Variants in GALNTL6 observed in about 807,000 individuals in gnomAD.
GALNTL6 encodes the protein polypeptide N-acetylgalactosaminyltransferase like 6, also known as polypeptide N-acetylgalactosaminyltransferase-like 6.
A neutral mutation model predicts 73.7 loss-of-function variants in GALNTL6; 46 were observed. That is an observed-to-expected ratio of 0.62 (90% CI 0.49 to 0.80). GALNTL6 has a LOEUF of 0.80. Among genes scored for constraint, GALNTL6 ranks in the 30% least tolerant of loss-of-function variants. The pLI, the probability that GALNTL6 is intolerant of heterozygous loss-of-function variation, is 0.00. For missense variants in GALNTL6, 604 were observed against 755.0 expected (o/e 0.80, Z 2.34); for synonymous variants, 259 against 263.7 (o/e 0.98, Z 0.17).
intron 5 of GALNTL6, among the ~76,000 whole-genome samples, chr4:172,663,940 A>AG (rs1560865379): frequency 2.0e-5 from 3 of 147,102 alleles, no homozygotes; most frequent in Admixed American, 6.8e-5. Context: ...AAAAAAAAAA[A>AG]AAAGAAAGAA....
chr4:171,976,531 T>C (rs1193557736), intron 2 of GALNTL6, among the ~76,000 whole-genome samples: 1 of 152,236 alleles, frequency 6.6e-6, no homozygotes, highest in East Asian at 1.9e-4. Context: ...ATCCACTGAA[T>C]ACTTCTAATG....
intron 8 of GALNTL6, among the ~76,000 whole-genome samples, chr4:172,908,837 G>T (rs546442201): frequency 6.6e-6 from 1 of 151,560 alleles, no homozygotes; most frequent in Non-Finnish European, 1.5e-5. Context: ...AATTTATAAA[G>T]AAGATTCTCC....
intron 2 of GALNTL6, among the ~76,000 whole-genome samples, chr4:172,196,474 C>T (rs1432023245): frequency 6.6e-6 from 1 of 152,148 alleles, no homozygotes; most frequent in East Asian, 1.9e-4. Flanking sequence ...GCTACCAAAA[C>T]CTGGCAGAGA....
At chr4:172,656,253 C>T (rs1731006381) in intron 5 of GALNTL6, among the ~76,000 whole-genome samples, 1 of 152,118 alleles carries the variant, frequency 6.6e-6, no homozygotes, top group African/African-American at 2.4e-5. Flanking sequence ...AGTGTCTGCT[C>T]CTTAATTCAG....
rs566051473 is a variant in GALNTL6, at chr4:172,598,412, T to G, written c.554-210949T>G. The stretch of plus-strand genomic sequence containing the variant: ...CAAAATATAATGAGGACCTTCGAGA[T>G]AACTGCCATTAGAAACATGTCATGA... On this transcript the variant is annotated intron_variant, in intron 5 of 12. Transcript: ENST00000506823. 1.4e-4 allele frequency among the ~76,000 whole-genome samples: 22 copies of G among 152,274 alleles called. No individual in the cohort carries two copies. The East Asian group carries it at 4.2e-3, about 29-fold the overall frequency.
In GALNTL6 at chr4:171,941,969, T is replaced by C. The variant is rs560110028; in HGVS notation, c.138+127251T>C. On this transcript the variant is annotated intron_variant, in intron 2 of 12. Coordinates refer to ENST00000506823, the MANE Select transcript of GALNTL6 (RefSeq NM_001034845.3). ...TATCCAGCATATAACACCTGTATCG[T>C]AACCTTTTGTAGCTATTAATAGTTT... is the stretch of plus-strand genomic sequence containing the variant. Among the ~76,000 whole-genome samples the C allele has an allele frequency of 2.0e-5, 3 of 152,326 alleles. No homozygotes were observed. The South Asian group carries it at 6.2e-4, about 32-fold the overall frequency.
rs2126550076 is a variant in GALNTL6, at chr4:173,040,679, T to C, written c.*579T>C. 6.5e-6 allele frequency: 1 copy of C among 152,782 alleles called. No homozygotes were observed. The highest frequency in any genetic ancestry group is 1.9e-4 in the East Asian group (1 of 5,190). The allele number at this position is 152,782 out of a possible 1,614,324, so 9.5% of individuals were successfully genotyped here. Reference sequence around the variant, plus strand: ...TTAAATGAGGGTGCAATATCTAATGTAAGACTTAAATTACATAATGAAATG... The same window carrying C: ...TTAAATGAGGGTGCAATATCTAATGCAAGACTTAAATTACATAATGAAATG... On this transcript the variant is annotated 3_prime_UTR_variant, in exon 13 of 13. Transcript: ENST00000506823.
At chr4:172,308,441 C>T (rs1320111401) in intron 3 of GALNTL6, among the ~76,000 whole-genome samples, 1 of 151,996 alleles carries the variant, frequency 6.6e-6, no homozygotes, top group Non-Finnish European at 1.5e-5. Context: ...CCTCCTGTCC[C>T]ATTCAATATA....
chr4:173,019,742 G>A (rs1288433209), intron 11 of GALNTL6, among the ~76,000 whole-genome samples: 1 of 152,184 alleles, frequency 6.6e-6, no homozygotes, highest in Non-Finnish European at 1.5e-5. Context: ...AGAGTACGCA[G>A]TGGCCATGAT....
chr4:172,117,253 G>C (rs939585322), intron 2 of GALNTL6, among the ~76,000 whole-genome samples: 3 of 152,134 alleles, frequency 2.0e-5, no homozygotes, highest in Non-Finnish European at 4.4e-5. Context: ...GAAAATGACA[G>C]TGAATTAAAC....
intron 2 of GALNTL6, among the ~76,000 whole-genome samples, chr4:172,204,042 G>A (rs1424917016): frequency 6.6e-6 from 1 of 151,980 alleles, no homozygotes; most frequent in Non-Finnish European, 1.5e-5. Flanking sequence ...CACTGCACCC[G>A]GCCAACAGAA....
chr4:172,105,894 CTT>C (rs1732660611), intron 2 of GALNTL6, among the ~76,000 whole-genome samples: 1 of 151,960 alleles, frequency 6.6e-6, no homozygotes, highest in African/African-American at 2.4e-5. Flanking sequence ...ATTTGGTAAA[CTT>C]GAATATAAAT....
At chr4:172,994,490 A>G (rs543827289) in intron 10 of GALNTL6, among the ~76,000 whole-genome samples, 1 of 152,368 alleles carries the variant, frequency 6.6e-6, no homozygotes, top group South Asian at 2.1e-4. Flanking sequence ...GCTCACAGAG[A>G]AATATTTCAG....
intron 2 of GALNTL6, among the ~76,000 whole-genome samples, chr4:172,022,647 T>C (rs2110803820): frequency 6.6e-6 from 1 of 152,106 alleles, no homozygotes; most frequent in East Asian, 1.9e-4. Flanking sequence ...TTAGATCTCA[T>C]GATTCTGTCC....
intron 5 of GALNTL6, among the ~76,000 whole-genome samples, chr4:172,725,100 T>C (rs904373287): frequency 6.6e-6 from 1 of 152,206 alleles, no homozygotes; most frequent in Non-Finnish European, 1.5e-5. Flanking sequence ...GGTCATGAAT[T>C]ATTTCTCTAT....
intron 2 of GALNTL6, among the ~76,000 whole-genome samples, chr4:171,991,487 A>T (rs1315359779): frequency 2.0e-5 from 3 of 151,784 alleles, no homozygotes; most frequent in Non-Finnish European, 4.4e-5. Flanking sequence ...TAAAAAACAG[A>T]AGAAGGAATG....
chr4:172,106,923 G>C (rs1228121306), intron 2 of GALNTL6, among the ~76,000 whole-genome samples: 3 of 152,092 alleles, frequency 2.0e-5, no homozygotes, highest in Non-Finnish European at 2.9e-5. Flanking sequence ...GCCCAGGCTG[G>C]AGTGCCATGG....
intron 2 of GALNTL6, among the ~76,000 whole-genome samples, chr4:172,174,503 T>A (rs1560953795): frequency 6.6e-6 from 1 of 152,176 alleles, no homozygotes; most frequent in Non-Finnish European, 1.5e-5. Context: ...AATTACTTTA[T>A]GTGAAATTTA....
At chr4:172,042,864 TAAAAA>T (rs397996272) in intron 2 of GALNTL6, among the ~76,000 whole-genome samples, 3 of 44,400 alleles carry the variant, frequency 6.8e-5, no homozygotes, top group African/African-American at 8.5e-5. Context: ...TCTTTAACAG[TAAAAA>T]AAAAAAAAAA....
Sources: allele counts gnomAD v4.1 joint callset (sites outside exome capture counted in the v4.1 genomes callset), GRCh38; gene constraint gnomAD v4.1.1; transcripts MANE v1.5; gene names NCBI Gene and HGNC (gene_info 2026-07-23, HGNC 2026-07-21).